UBAP2: variants seen among roughly 807,000 people sequenced by gnomAD.
UBAP2 encodes the protein ubiquitin associated protein 2, also known as ubiquitin-associated protein 2.
A neutral mutation model predicts 139.6 loss-of-function variants in UBAP2; 75 were observed. That is an observed-to-expected ratio of 0.54 (90% CI 0.45 to 0.65). The LOEUF (loss-of-function observed/expected upper bound fraction) is 0.65. Among genes scored for constraint, UBAP2 ranks in the 30% least tolerant of loss-of-function variants. The pLI is 0.00. For missense variants in UBAP2, 1,368 were observed against 1,369.6 expected (o/e 1.00, Z 0.02); for synonymous variants, 526 against 526.2 (o/e 1.00, Z 0.01).
chr9:34,027,297 A>G (rs1825482313), intron 1 of UBAP2, among the ~76,000 whole-genome samples: 1 of 151,944 alleles, frequency 6.6e-6, no homozygotes, highest in Non-Finnish European at 1.5e-5. Context: ...CCTGGCCAAC[A>G]TAGTGAAACC....
At chr9:33,989,637 T>C (rs1821530126) in intron 4 of UBAP2, among the ~76,000 whole-genome samples, 1 of 152,220 alleles carries the variant, frequency 6.6e-6, no homozygotes, top group African/African-American at 2.4e-5. Context: ...GCTAAATAAT[T>C]ACAGCTATTA....
Position 33,924,016 on chromosome 9 carries a change from G to A in UBAP2, c.2591-16C>T, listed in dbSNP as rs1056500418. On this transcript the variant is annotated splice_polypyrimidine_tract_variant and intron_variant, in intron 23 of 28. Coordinates refer to ENST00000379238, the MANE Select transcript of UBAP2 (RefSeq NM_001370062.2). ...GTGACATCACCTAGGAAAGAGCACT[G>A]ACTCCAGCCACTGCCCTTCCTCCAA... The A allele has an allele frequency of 6.2e-7, 1 of 1,612,726 alleles. No homozygotes were observed.
At chr9:33,926,720 C>A in intron 21 of UBAP2, 56 bp from the exon 22 acceptor site, 3 of 1,594,030 alleles carry the variant, frequency 1.9e-6, no homozygotes, top group Non-Finnish European at 2.6e-6. Context: ...CCTGGGAAGC[C>A]CAGGTCCATC....
At chr9:34,035,845 G>C (rs1463812855) in intron 1 of UBAP2, among the ~76,000 whole-genome samples, 1 of 151,052 alleles carries the variant, frequency 6.6e-6, no homozygotes, top group Non-Finnish European at 1.5e-5. Context: ...CTGCCTTTTT[G>C]CCTTCACGTT....
Position 33,973,248 on chromosome 9 carries a change from A to T in UBAP2, c.521-11T>A. On this transcript the variant is annotated splice_polypyrimidine_tract_variant and intron_variant, in intron 6 of 28. Transcript: ENST00000379238. ...TGCCACGTCCAAATCCTTTAAAAAAACACACAATTATAGTATAAAATAATA... is the reference window on the plus strand; with the variant it reads ...TGCCACGTCCAAATCCTTTAAAAAATCACACAATTATAGTATAAAATAATA... The T allele has an allele frequency of 1.2e-6, 2 of 1,613,540 alleles. No homozygotes were observed. Among genetic ancestry groups the T allele is most frequent in the Non-Finnish European group, 1.7e-6 (2 of 1,179,544 alleles).
chr9:34,013,194 G>T (rs935701950), intron 2 of UBAP2, among the ~76,000 whole-genome samples: 1 of 143,136 alleles, frequency 7.0e-6, no homozygotes, highest in Non-Finnish European at 1.5e-5. Context: ...GGAGATTTAA[G>T]TAACTCATCT....
chr9:33,978,164 AATCAGCATTTTATTAAATGCT>A (rs142202194), intron 6 of UBAP2, among the ~76,000 whole-genome samples: 12,009 of 152,134 alleles, frequency 0.079, 686 homozygotes, highest in Non-Finnish European at 0.12. Context: ...CTGATTTGAG[AATCAGCATTTTATTAAATGCT>A]ATGTGGAACA....
chr9:33,967,442 G>A (rs1209211473), intron 8 of UBAP2, among the ~76,000 whole-genome samples: 1 of 152,186 alleles, frequency 6.6e-6, no homozygotes, highest in Non-Finnish European at 1.5e-5. Flanking sequence ...AACACCTGCT[G>A]AAAGTTTACA....
chr9:34,014,253 A>G (rs1824038718), intron 2 of UBAP2, among the ~76,000 whole-genome samples: 1 of 134,864 alleles, frequency 7.4e-6, no homozygotes, highest in East Asian at 2.6e-4. Flanking sequence ...CCTGAACCCC[A>G]GAGGCGGAGG....
In UBAP2 at chr9:33,923,050, T is replaced by C; in HGVS notation, c.3005-17A>G. On this transcript the variant is annotated splice_polypyrimidine_tract_variant and intron_variant, in intron 26 of 28. Coordinates refer to ENST00000379238, the MANE Select transcript of UBAP2 (RefSeq NM_001370062.2). Reference sequence around the variant, plus strand: ...CTGATACTCCTAGGAGGAAAAGCAGTTGTTCCCCACAGCAGTTGTTCCCAG... The same window carrying C: ...CTGATACTCCTAGGAGGAAAAGCAGCTGTTCCCCACAGCAGTTGTTCCCAG... The C allele has an allele frequency of 6.2e-7, 1 of 1,614,034 alleles. No homozygotes were observed. Among genetic ancestry groups the C allele is most frequent in the Non-Finnish European group, 8.5e-7 (1 of 1,179,960 alleles).
At chr9:33,951,088 G>A (rs931809087) in intron 12 of UBAP2, among the ~76,000 whole-genome samples, 4 of 152,154 alleles carry the variant, frequency 2.6e-5, no homozygotes, top group African/African-American at 9.7e-5. Flanking sequence ...GAGGGCCACA[G>A]AACAACCTCC....
intron 1 of UBAP2, among the ~76,000 whole-genome samples, chr9:34,038,492 C>T (rs552294487): frequency 6.6e-6 from 1 of 152,202 alleles, no homozygotes; most frequent in Admixed American, 6.5e-5. Context: ...GCTGTGTTGG[C>T]CGGGCTGGTC....
chr9:34,035,514 A>AATATATATATATAT lies in UBAP2; in HGVS notation c.-42+13310_-42+13311insATATATATATATAT, dbSNP rs1554692782. The stretch of plus-strand genomic sequence containing the variant: ...GAGACTCCATCTAAAAAAAAAAAAA[A>AATATATATATATAT]ATATATATATATAAAGATTAGCCAG... On this transcript the variant is annotated intron_variant, in intron 1 of 28. Transcript: ENST00000379238. 4.9e-3 allele frequency among the ~76,000 whole-genome samples: 111 copies of AATATATATATATAT among 22,486 alleles called. 12 individuals carry two copies. The highest frequency in any genetic ancestry group is 0.012 in the African/African-American group (97 of 7,854). The allele number at this position is 22,486 out of a possible 152,430, so 14.8% of individuals were successfully genotyped here.
At position 33,933,606 on chromosome 9, in the gene UBAP2, G is replaced by A. The variant is rs1824196714; in HGVS notation, c.1992C>T (p.Pro664=). The change falls in exon 18 of 29, where the codon CCC becomes CCT. Residue 664 remains proline (P), a synonymous_variant. Coordinates refer to ENST00000379238, the MANE Select transcript of UBAP2 (RefSeq NM_001370062.2). ...TLDTPKTTGP[P]SALPSVSSLP... ...GGGAGCTCACAGACGGGAGGGCAGAGGGAGGGCCTGTTGTCTTTGGAGCTG... is the reference window on the plus strand; with the variant it reads ...GGGAGCTCACAGACGGGAGGGCAGAAGGAGGGCCTGTTGTCTTTGGAGCTG... 18 of 1,613,832 alleles carry A rather than the reference G, an allele frequency of 1.1e-5. No homozygotes were observed. The East Asian group carries it at 4.0e-4, about 36-fold the overall frequency.
chr9:33,962,350 T>C (rs117810673), intron 9 of UBAP2, among the ~76,000 whole-genome samples: 2 of 152,142 alleles, frequency 1.3e-5, no homozygotes, highest in South Asian at 2.1e-4. Flanking sequence ...AGGAGACATA[T>C]TAAAAGTTTA....
rs761575885 is a variant in UBAP2, at chr9:33,927,873, C to G, written c.2295G>C (p.Ala765=). The change falls in exon 20 of 29, where the codon GCG becomes GCC. Residue 765 remains alanine, a synonymous_variant. Coordinates refer to ENST00000379238, the MANE Select transcript of UBAP2 (RefSeq NM_001370062.2). ...GGGTCCCACCCAGACAGAGGCTGTT[C>G]GCGGTGTTCATGCTACTGGACAGGC... ...GASLSSSMNT[A]NSLCLGGTPA... The G allele has an allele frequency of 1.9e-6, 3 of 1,614,100 alleles. No individual in the cohort carries two copies. Among genetic ancestry groups the G allele is most frequent in the African/African-American group, 1.3e-5 (1 of 74,942 alleles).
chr9:34,043,819 T>C (rs1259978974), intron 1 of UBAP2, among the ~76,000 whole-genome samples: 1 of 92,176 alleles, frequency 1.1e-5, no homozygotes, highest in Non-Finnish European at 2.2e-5. Flanking sequence ...TTTAAACATA[T>C]ACTCCATGTT....
At chr9:34,030,910 A>AC (rs1348468025) in intron 1 of UBAP2, among the ~76,000 whole-genome samples, 1 of 152,038 alleles carries the variant, frequency 6.6e-6, no homozygotes, top group Non-Finnish European at 1.5e-5. Flanking sequence ...AACCTGGGCG[A>AC]CAGAGCAAGA....
intron 6 of UBAP2, among the ~76,000 whole-genome samples, chr9:33,975,679 G>A (rs1235471954): frequency 4.6e-5 from 7 of 151,324 alleles, no homozygotes; most frequent in African/African-American, 1.5e-4. Flanking sequence ...AGTGGCAGGC[G>A]CCTGTAGTCC....
Sources: allele counts gnomAD v4.1 joint callset (sites outside exome capture counted in the v4.1 genomes callset), GRCh38; gene constraint gnomAD v4.1.1; transcripts MANE v1.5; gene names NCBI Gene and HGNC (gene_info 2026-07-23, HGNC 2026-07-21).